USP7: variants seen among roughly 807,000 people sequenced by gnomAD.
USP7 encodes the protein ubiquitin C-terminal hydrolase 7.
In USP7, 9 loss-of-function variants were observed where a neutral mutation model predicts 162.9. The observed-to-expected ratio is 0.06, with a 90% CI of 0.03 to 0.10. The LOEUF is 0.10. USP7 is among the 10% of genes least tolerant of loss of function. USP7 has a pLI of 1.00. For missense variants in USP7, 715 were observed against 1,373.7 expected (o/e 0.52, Z 7.58); for synonymous variants, 562 against 475.9 (o/e 1.18, Z -2.35).
Position 8,929,043 on chromosome 16 carries a change from C to A in USP7, c.184+1250G>T, listed in dbSNP as rs191039262. Among the ~76,000 whole-genome samples the A allele has an allele frequency of 2.1e-3, 291 of 137,060 alleles. 1 individual carries two copies. In the Middle Eastern group the frequency reaches 0.021, roughly 10 times the overall value. The allele number at this position is 137,060 out of a possible 152,430, so 89.9% of individuals were successfully genotyped here. A position where few individuals can be genotyped will look rare whatever the true frequency, so the allele number is the denominator to read the frequency against. The stretch of plus-strand genomic sequence containing the variant: ...CTATGTCTCCTCCCAAGACCTCCCC[C>A]CTAAAAAAAAAAAGAAAAAAACAGT... On this transcript the variant is annotated intron_variant, in intron 2 of 30. Coordinates refer to ENST00000344836, the MANE Select transcript of USP7 (RefSeq NM_003470.3).
At chr16:8,917,419 G>C (rs1897431400) in intron 6 of USP7, among the ~76,000 whole-genome samples, 1 of 152,136 alleles carries the variant, frequency 6.6e-6, no homozygotes, top group East Asian at 1.9e-4. Flanking sequence ...CACTCTGTTG[G>C]CCAGGCTGAA....
intron 12 of USP7, 55 bp downstream of exon 12, chr16:8,908,284 AAC>A (rs1286550733): frequency 5.0e-6 from 7 of 1,387,680 alleles, no homozygotes; most frequent in Non-Finnish European, 7.2e-6. Flanking sequence ...CACTGAGACT[AAC>A]CCCCTAGACC....
rs547487166 is a variant in USP7 at position 8,907,214 on chromosome 16, C to A, written c.1272-632G>T. 4.6e-5 allele frequency among the ~76,000 whole-genome samples: 7 copies of A among 152,320 alleles called. No individual in the cohort carries two copies. In the East Asian group the frequency reaches 1.3e-3, roughly 29 times the overall value. On this transcript the variant is annotated intron_variant, in intron 12 of 30. Coordinates refer to ENST00000344836, the MANE Select transcript of USP7 (RefSeq NM_003470.3). The stretch of plus-strand genomic sequence containing the variant: ...CCAAATCTGAACATTTATGTGAAAT[C>A]TCACAATTTAAAAAATGTCTGCCAC...
At position 8,900,522 on chromosome 16, in the gene USP7, G is replaced by A. The variant is rs75971563; in HGVS notation, c.2309+8C>T. 785 of 1,585,242 alleles carry A rather than the reference G, an allele frequency of 5.0e-4. 5 individuals carry two copies. The East Asian group carries it at 0.014, about 28-fold the overall frequency. The stretch of plus-strand genomic sequence containing the variant: ...ACAAAGTGATACAATCCTTCACAAA[G>A]TACATACTTCTGAAATACTATGATG... On this transcript the variant is annotated splice_region_variant and intron_variant, in intron 21 of 30. Coordinates refer to ENST00000344836, the MANE Select transcript of USP7 (RefSeq NM_003470.3).
At chr16:8,921,898 G>A (rs1352017917) in intron 3 of USP7, among the ~76,000 whole-genome samples, 3 of 152,206 alleles carry the variant, frequency 2.0e-5, no homozygotes, top group Non-Finnish European at 2.9e-5. Context: ...TAAGGTTTGC[G>A]ATTTAAGTGG....
intron 1 of USP7, among the ~76,000 whole-genome samples, chr16:8,937,155 A>C (rs928124385): frequency 2.6e-5 from 4 of 152,056 alleles, no homozygotes; most frequent in South Asian, 2.1e-4. Flanking sequence ...GGCACTTAGG[A>C]CCCTGAGGCA....
intron 1 of USP7, among the ~76,000 whole-genome samples, chr16:8,948,375 A>C (rs1227996728): frequency 6.6e-6 from 1 of 151,986 alleles, no homozygotes; most frequent in Non-Finnish European, 1.5e-5. Context: ...TGTAGAGACG[A>C]GTTTTCACCA....
intron 10 of USP7, among the ~76,000 whole-genome samples, 164 bp downstream of exon 10, chr16:8,915,090 G>A (rs371248981): frequency 2.6e-5 from 4 of 152,196 alleles, no homozygotes; most frequent in African/African-American, 9.7e-5. Context: ...ACCAGAGCTG[G>A]GTGGAGGTAA....
intron 2 of USP7, among the ~76,000 whole-genome samples, chr16:8,925,959 C>A (rs1897964802): frequency 6.7e-6 from 1 of 150,086 alleles, no homozygotes; most frequent in African/African-American, 2.5e-5. Flanking sequence ...TCGAGACCAT[C>A]CTGGCTAACA....
At chr16:8,933,559 T>C (rs1044355089) in intron 1 of USP7, among the ~76,000 whole-genome samples, 10 of 152,202 alleles carry the variant, frequency 6.6e-5, no homozygotes, top group Non-Finnish European at 1.2e-4. Context: ...TAGGGTTACA[T>C]AGAAGCAATG....
intron 1 of USP7, among the ~76,000 whole-genome samples, chr16:8,961,090 A>C (rs569171261): frequency 1.3e-5 from 2 of 152,226 alleles, no homozygotes; most frequent in African/African-American, 4.8e-5. Flanking sequence ...TTTCTAATAC[A>C]AACTGTAATA....
At chr16:8,919,220 G>A in intron 5 of USP7, 81 bp from the exon 6 acceptor site, 4 of 1,443,514 alleles carry the variant, frequency 2.8e-6, no homozygotes. Flanking sequence ...TCTGACTCAA[G>A]GTCAGCCTTA....
At chr16:8,898,469 C>A in intron 24 of USP7, 32 bp from the exon 25 acceptor site, 1 of 1,606,716 alleles carries the variant, frequency 6.2e-7, no homozygotes, top group African/African-American at 1.3e-5. Flanking sequence ...ACATCAGATA[C>A]CGTCACCAAA....
intron 1 of USP7, among the ~76,000 whole-genome samples, chr16:8,959,347 A>G (rs1439173551): frequency 8.1e-6 from 1 of 122,770 alleles, no homozygotes; most frequent in East Asian, 2.5e-4. Flanking sequence ...CTTTTCCAAA[A>G]CACTAATTCA....
chr16:8,912,805 T>G (rs761296590), intron 10 of USP7, among the ~76,000 whole-genome samples: 17 of 148,964 alleles, frequency 1.1e-4, no homozygotes, highest in Non-Finnish European at 1.8e-4. Context: ...AAAGAAGAGA[T>G]AAAGATTTTC....
At chr16:8,924,985 G>C (rs905881592) in intron 2 of USP7, among the ~76,000 whole-genome samples, 5 of 152,198 alleles carry the variant, frequency 3.3e-5, no homozygotes, top group African/African-American at 1.2e-4. Context: ...TTTGAGGATA[G>C]AAGTCTACTA....
chr16:8,903,047 T>C (rs918108936), intron 16 of USP7, among the ~76,000 whole-genome samples: 5 of 152,106 alleles, frequency 3.3e-5, no homozygotes, highest in African/African-American at 9.7e-5. Context: ...GGTGAAAACA[T>C]GTCTGCAAAA....
At position 8,937,693 on chromosome 16, in the gene USP7, C is replaced by CA. The variant is rs1246593748; in HGVS notation, c.80-7297dup. ...CAAGACCCTGTCTCTAAATAGGCTA[C>CA]AAAAAAAACAGAAAGGGAAAAATGT... is the stretch of plus-strand genomic sequence containing the variant. On this transcript the variant is annotated intron_variant, in intron 1 of 30. Coordinates refer to ENST00000344836, the MANE Select transcript of USP7 (RefSeq NM_003470.3). Among the ~76,000 whole-genome samples, 222 of 151,374 alleles carry CA rather than the reference C, an allele frequency of 1.5e-3. 1 individual carries two copies. Among genetic ancestry groups the CA allele is most frequent in the Middle Eastern group, 3.4e-3 (1 of 294 alleles).
In USP7 at chr16:8,896,986, A is replaced by C; in HGVS notation, c.2819+13T>G. Reference sequence around the variant, plus strand: ...TAACTGAACGTCCACAATTGGGCTCAAGAAATACTTGCCTAAGTTTCCCTG... The same window carrying C: ...TAACTGAACGTCCACAATTGGGCTCCAGAAATACTTGCCTAAGTTTCCCTG... On this transcript the variant is annotated intron_variant, in intron 26 of 30. Transcript: ENST00000344836. 6.2e-7 allele frequency: 1 copy of C among 1,608,390 alleles called. No individual in the cohort carries two copies. The highest frequency in any genetic ancestry group is 8.5e-7 in the Non-Finnish European group (1 of 1,174,778).
Sources: gnomAD v4.1 joint callset for allele counts (sites outside exome capture counted in the v4.1 genomes callset) on GRCh38, gnomAD v4.1.1 for gene constraint, MANE v1.5 for transcripts, NCBI Gene and HGNC (gene_info 2026-07-23, HGNC 2026-07-21) for gene names.